Variants in KIFC3 observed in about 807,000 individuals in gnomAD.
KIFC3 encodes the protein kinesin family member C3, also known as kinesin-like protein KIFC3.
A neutral mutation model predicts 101.8 loss-of-function variants in KIFC3; 60 were observed. That is an observed-to-expected ratio of 0.59 (90% CI 0.48 to 0.73). The LOEUF (loss-of-function observed/expected upper bound fraction) is 0.73. Ranked by LOEUF, KIFC3 falls within the 30% of genes least tolerant of loss-of-function variation. The pLI, the probability that KIFC3 is intolerant of heterozygous loss-of-function variation, is 0.00. For missense variants in KIFC3, 966 were observed against 1,137.1 expected (o/e 0.85, Z 2.16); for synonymous variants, 476 against 482.7 (o/e 0.99, Z 0.18).
chr16:57,767,040 C>G, intron 9 of KIFC3, 55 bp from the exon 10 acceptor site: 1 of 1,441,322 alleles, frequency 6.9e-7, no homozygotes, highest in Admixed American at 1.7e-5. Context: ...CCTTACCGGC[C>G]TGACTGCCCA....
intron 1 of KIFC3, among the ~76,000 whole-genome samples, chr16:57,842,319 C>T (rs1300345545): frequency 6.6e-6 from 1 of 152,216 alleles, no homozygotes; most frequent in African/African-American, 2.4e-5. Context: ...GCTTGCTGGG[C>T]CAGGGTCAGA....
chr16:57,809,886 G>T (rs1306389921), intron 1 of KIFC3, among the ~76,000 whole-genome samples: 1 of 152,178 alleles, frequency 6.6e-6, no homozygotes, highest in Admixed American at 6.5e-5. Flanking sequence ...ATATCTGAGC[G>T]ATGGCTGTCA....
At chr16:57,828,743 C>T (rs1292804879) in intron 1 of KIFC3, among the ~76,000 whole-genome samples, 1 of 152,166 alleles carries the variant, frequency 6.6e-6, no homozygotes, top group Non-Finnish European at 1.5e-5. Context: ...AGTTAAGTGC[C>T]TGAGTAACAG....
chr16:57,838,571 A>T (rs1256178944), intron 1 of KIFC3, among the ~76,000 whole-genome samples: 5 of 152,250 alleles, frequency 3.3e-5, no homozygotes, highest in African/African-American at 2.4e-5. Context: ...GCTGTCAGCA[A>T]ATCATTTTCA....
chr16:57,845,193 G>C (rs1310203313), intron 1 of KIFC3, among the ~76,000 whole-genome samples: 1 of 152,150 alleles, frequency 6.6e-6, no homozygotes, highest in Non-Finnish European at 1.5e-5. Context: ...CAGTGACTCC[G>C]TGCAAACCCT....
At chr16:57,787,478 G>A (rs2053453361) in intron 3 of KIFC3, among the ~76,000 whole-genome samples, 1 of 152,234 alleles carries the variant, frequency 6.6e-6, no homozygotes, top group African/African-American at 2.4e-5. Flanking sequence ...GTGGGAAGGG[G>A]GCCAGGAGAG....
At chr16:57,839,639 G>A (rs1466071631) in intron 1 of KIFC3, among the ~76,000 whole-genome samples, 1 of 152,012 alleles carries the variant, frequency 6.6e-6, no homozygotes, top group African/African-American at 2.4e-5. Context: ...ACCTATCATC[G>A]TTCCCTTCAT....
intron 10 of KIFC3, 64 bp from the exon 11 acceptor site, chr16:57,765,704 C>T: frequency 6.8e-7 from 1 of 1,469,064 alleles, no homozygotes; most frequent in East Asian, 2.4e-5. Flanking sequence ...CATTCTGGTC[C>T]ACTGGTGTCC....
At chr16:57,787,404 C>T (rs2053443675) in intron 3 of KIFC3, among the ~76,000 whole-genome samples, 1 of 152,270 alleles carries the variant, frequency 6.6e-6, no homozygotes, top group Admixed American at 6.5e-5. Context: ...ATCCAGAACA[C>T]TGCTCACGCC....
intron 1 of KIFC3, among the ~76,000 whole-genome samples, chr16:57,812,340 C>G (rs1598190684): frequency 8.2e-6 from 1 of 122,114 alleles, no homozygotes; most frequent in Non-Finnish European, 1.8e-5. Context: ...CTGCGCCCAG[C>G]CCCCCATCTC....
chr16:57,810,047 T>C (rs1389886916), intron 1 of KIFC3, among the ~76,000 whole-genome samples: 1 of 152,140 alleles, frequency 6.6e-6, no homozygotes, highest in Non-Finnish European at 1.5e-5. Flanking sequence ...AGGTCAGTCC[T>C]GGAACGCCTC....
In KIFC3 at chr16:57,771,313, A is replaced by G; in HGVS notation, c.650T>C (p.Leu217Pro). 6.2e-7 allele frequency: 1 copy of G among 1,613,598 alleles called. No homozygotes were observed. The highest frequency in any genetic ancestry group is 8.5e-7 in the Non-Finnish European group (1 of 1,180,044). The change falls in exon 6 of 20, where the codon CTG becomes CCG. Residue 217 changes from leucine (L) to proline (P), a missense_variant. Physicochemically the swap from Leu to Pro is moderately conservative, Grantham distance 98. Around this residue, in one of 2 missense-constraint regions of KIFC3, gnomAD observed 689 missense variants for 884.6 expected, o/e 0.78. Transcript: ENST00000445690. ...CTCAGCCAGGCAGTCCTTGAGTCGC[A>G]GCTCCACCTCAGCCAGCCGGTCGGT... is the stretch of plus-strand genomic sequence containing the variant. The part of the protein sequence containing the change: ...QKTDRLAEVE[L>P]RLKDCLAEKA...
At chr16:57,805,089 C>T (rs1447546826), upstream of KIFC3, among the ~76,000 whole-genome samples, 1 of 152,024 alleles carries the variant, frequency 6.6e-6, no homozygotes, top group Non-Finnish European at 1.5e-5. Context: ...CCTCGGCCTC[C>T]CAAAATGTTG....
chr16:57,780,950 C>T (rs1267756778), intron 3 of KIFC3, among the ~76,000 whole-genome samples: 6 of 150,814 alleles, frequency 4.0e-5, no homozygotes, highest in African/African-American at 1.2e-4. Context: ...GCTGGGATTA[C>T]AGGTGTGAGC....
At chr16:57,845,837 C>T (rs1184350927) in intron 1 of KIFC3, among the ~76,000 whole-genome samples, 2 of 152,140 alleles carry the variant, frequency 1.3e-5, no homozygotes, top group African/African-American at 4.8e-5. Context: ...CCCTGTTTTC[C>T]TCTGTGAGGG....
chr16:57,777,676 G>A (rs576985508), intron 3 of KIFC3, among the ~76,000 whole-genome samples: 16 of 151,434 alleles, frequency 1.1e-4, no homozygotes, highest in African/African-American at 3.6e-4. Flanking sequence ...AGCTGAGATT[G>A]CACCACTGCA....
At chr16:57,758,976 C>T (rs955530619) in intron 19 of KIFC3, 67 bp from the exon 20 acceptor site, 93 of 1,540,564 alleles carry the variant, frequency 6.0e-5, no homozygotes, top group Middle Eastern at 3.6e-4. Flanking sequence ...CAGTTGCCAC[C>T]GAGAGCAGGA....
intron 3 of KIFC3, chr16:57,788,671 T>C: frequency 7.8e-7 from 1 of 1,289,602 alleles, no homozygotes; most frequent in South Asian, 1.2e-5. Flanking sequence ...TCTTCTTTCG[T>C]CCCCTGACTC....
chr16:57,786,003 G>A (rs1488545732), intron 3 of KIFC3, among the ~76,000 whole-genome samples: 2 of 152,224 alleles, frequency 1.3e-5, no homozygotes, highest in African/African-American at 4.8e-5. Context: ...AATCGCAGCT[G>A]GGAAAGACAA....
Sources: gnomAD v4.1 joint callset for allele counts (sites outside exome capture counted in the v4.1 genomes callset) on GRCh38, gnomAD v4.1.1 for gene constraint, gnomAD v4.1.1 regional missense constraint, MANE v1.5 for transcripts, NCBI Gene and HGNC (gene_info 2026-07-23, HGNC 2026-07-21) for gene names.